WDR90: variants seen among roughly 807,000 people sequenced by gnomAD.
WDR90 encodes WD repeat domain 90.
In WDR90, 238 loss-of-function variants were observed where a neutral mutation model predicts 195.2. The observed-to-expected ratio is 1.22, with a 90% confidence interval of 1.10 to 1.36. The LOEUF (loss-of-function observed/expected upper bound fraction) is 1.36, where lower values mean the gene tolerates loss of function less well. Among genes scored for constraint, WDR90 ranks in the 40% most tolerant of loss-of-function variants. The pLI, the probability that WDR90 is intolerant of heterozygous loss-of-function variation, is 0.00. For missense variants in WDR90, 2,734 were observed against 2,439.5 expected (o/e 1.12, Z -2.54); for synonymous variants, 1,265 against 1,052.4 (o/e 1.20, Z -3.91).
In WDR90 at chr16:667,729, G is replaced by A; in HGVS notation, c.*140G>A. The A allele has an allele frequency of 2.2e-6, 3 of 1,370,156 alleles. No individual in the cohort carries two copies. Among genetic ancestry groups the A allele is most frequent in the South Asian group, 1.2e-5 (1 of 80,780 alleles). The allele number at this position is 1,370,156 out of a possible 1,614,324, so 84.9% of individuals were successfully genotyped here. Reference sequence around the variant, plus strand: ...TCACGTAAATCGCCTGGAGCAAGCTGTTGTAAATTTGGCGCCCTGTGAATA... The same window carrying A: ...TCACGTAAATCGCCTGGAGCAAGCTATTGTAAATTTGGCGCCCTGTGAATA... On this transcript the variant is annotated 3_prime_UTR_variant, in exon 41 of 41. Coordinates refer to ENST00000293879, the MANE Select transcript of WDR90 (RefSeq NM_145294.5).
rs1463668377 is a variant in WDR90, at chr16:659,013, C to T, written c.3011+2C>T. The T allele has an allele frequency of 3.7e-6, 6 of 1,613,078 alleles. No individual in the cohort carries two copies. The highest frequency in any genetic ancestry group is 5.1e-6 in the Non-Finnish European group (6 of 1,179,920). On this transcript the variant is annotated splice_donor_variant, in intron 24 of 40. Coordinates refer to ENST00000293879, the MANE Select transcript of WDR90 (RefSeq NM_145294.5). LOFTEE classifies it low-confidence loss of function (GC_TO_GT_DONOR). The stretch of plus-strand genomic sequence containing the variant: ...GGATGTCCTGGCCCCTACTGAGAGG[C>T]AAGTGCCTACTCTCAGCTGTGTCTG...
chr16:655,064 CGGT>C lies in WDR90; in HGVS notation c.1476_1478del (p.Gly493del), dbSNP rs1567215955. ...CCTGGGGCACCGGCCAGGTGGGCCTCGGTGGCGAGGTGGTCGTTCTGGCAAAGG... is the reference window on the plus strand; with the variant it reads ...CCTGGGGCACCGGCCAGGTGGGCCTCGGCGAGGTGGTCGTTCTGGCAAAGG... On this transcript the variant is annotated inframe_deletion, in exon 14 of 41. Transcript: ENST00000293879. The C allele has an allele frequency of 6.2e-7, 1 of 1,612,736 alleles. No homozygotes were observed. The highest frequency in any genetic ancestry group is 8.5e-7 in the Non-Finnish European group (1 of 1,179,854).
intron 26 of WDR90, 104 bp from the exon 27 acceptor site, chr16:659,950 TCTCA>T (rs1446915551): frequency 1.3e-5 from 11 of 851,760 alleles, no homozygotes; most frequent in Non-Finnish European, 1.8e-5. Flanking sequence ...GCCGTGCAGT[TCTCA>T]CTGTGTGGTA....
intron 17 of WDR90, 150 bp downstream of exon 17, chr16:656,039 TGGGGCGGCTGATGCCAGGGCGGCCCGC>T (rs2037746190): frequency 7.0e-6 from 7 of 1,005,434 alleles, no homozygotes; most frequent in Non-Finnish European, 1.0e-5. Flanking sequence ...TCCAGAGCCC[TGGGGCGGCTGATGCCAGGGCGGCCCGC>T]GGGGCAGCCT....
chr16:651,010 A>T lies in WDR90; in HGVS notation c.575A>T (p.Gln192Leu). Residue 192 changes from glutamine (Q) to leucine (L), a missense_variant, in exon 6 of 41, where the codon CAG (glutamine) becomes CTG (leucine). Coordinates refer to ENST00000293879, the MANE Select transcript of WDR90 (RefSeq NM_145294.5). ...CTCCTTGTAGCCATCTCTGGGGCCC[A>T]GTGGGCAAAGCTGCCCGTGACTCCT... Reference protein sequence around the residue: ...LCFEPAISGAQWAKLPVTPMP... With the variant: ...LCFEPAISGALWAKLPVTPMP... 6.2e-7 allele frequency: 1 copy of T among 1,613,230 alleles called. No homozygotes were observed. The highest frequency in any genetic ancestry group is 8.5e-7 in the Non-Finnish European group (1 of 1,179,964).
chr16:650,889 G>C, intron 5 of WDR90, 106 bp from the exon 6 acceptor site: 1 of 1,492,990 alleles, frequency 6.7e-7, no homozygotes, highest in Non-Finnish European at 9.2e-7. Context: ...GCAGCCCTGG[G>C]GTGGGGCGGT....
rs946195704 is a variant in WDR90 at position 660,608 on chromosome 16, G to A, written c.3289-4G>A. 2.6e-6 allele frequency: 4 copies of A among 1,561,374 alleles called. No individual in the cohort carries two copies. Among genetic ancestry groups the A allele is most frequent in the Non-Finnish European group, 2.6e-6 (3 of 1,153,424 alleles). On this transcript the variant is annotated splice_region_variant and splice_polypyrimidine_tract_variant and intron_variant, in intron 27 of 40. Transcript: ENST00000293879. Reference sequence around the variant, plus strand: ...CAGCAGCATCCGGGTCTCCTTCCTCGCAGGGCACTTGCCCGCCTCCCGCCA... The same window carrying A: ...CAGCAGCATCCGGGTCTCCTTCCTCACAGGGCACTTGCCCGCCTCCCGCCA...
At chr16:658,833 C>T (rs2037820409) in intron 23 of WDR90, 63 bp from the exon 24 acceptor site, 2 of 1,593,232 alleles carry the variant, frequency 1.3e-6, no homozygotes, top group African/African-American at 2.7e-5. Flanking sequence ...TCCCTGGGGA[C>T]TGGGCACACG....
intron 1 of WDR90, 140 bp from the exon 2 acceptor site, chr16:649,623 C>T: frequency 8.6e-7 from 1 of 1,159,108 alleles, no homozygotes. Context: ...CTCGTCCCGC[C>T]AGCCTAGCTG....
rs1212163742 is a variant in WDR90, at chr16:667,458, G to C, written c.5116G>C (p.Ala1706Pro). Residue 1706 changes from alanine (A) to proline (P), a missense_variant, in exon 41 of 41, where the codon GCC becomes CCC. Coordinates refer to ENST00000293879, the MANE Select transcript of WDR90 (RefSeq NM_145294.5). ...GTGCATGCTGAGGCTGGTAGACTGTGCCATGGGGACTGCCCAAGACTTTGC... is the reference window on the plus strand; with the variant it reads ...GTGCATGCTGAGGCTGGTAGACTGTCCCATGGGGACTGCCCAAGACTTTGC... ...AECMLRLVDC[A>P]MGTAQDFAGH... 1 of 1,606,698 alleles carries C rather than the reference G, an allele frequency of 6.2e-7. No individual in the cohort carries two copies. The highest frequency in any genetic ancestry group is 2.2e-5 in the East Asian group (1 of 44,690).
chr16:661,026 C>T, intron 28 of WDR90, 25 bp from the exon 29 acceptor site: 7 of 1,072,062 alleles, frequency 6.5e-6, no homozygotes, highest in Non-Finnish European at 6.8e-6. Context: ...GGCCCGGCCT[C>T]AGGCCCCGCC....
rs752676505 is a variant in WDR90, at chr16:652,500, G to A, written c.1087G>A (p.Gly363Ser). Residue 363 changes from glycine (G) to serine (S), a missense_variant, in exon 10 of 41, where the codon GGC becomes AGC. By Grantham distance (56) the Gly-to-Ser change is moderately conservative. Coordinates refer to ENST00000293879, the MANE Select transcript of WDR90 (RefSeq NM_145294.5). ...CCCAGACCCAGTCCTGAGGCTCAAGGGCGTCATCGGCTTTGGGGGCCACGG... is the reference window on the plus strand; with the variant it reads ...CCCAGACCCAGTCCTGAGGCTCAAGAGCGTCATCGGCTTTGGGGGCCACGG... ...FLPDPVLRLK[G>S]VIGFGGHGTR... 6.9e-5 allele frequency: 111 copies of A among 1,610,640 alleles called. No individual in the cohort carries two copies. Among genetic ancestry groups the A allele is most frequent in the Non-Finnish European group, 9.0e-5 (106 of 1,178,384 alleles).
chr16:665,439 C>A (rs1476480251), intron 34 of WDR90: 1 of 619,034 alleles, frequency 1.6e-6, no homozygotes, highest in East Asian at 2.8e-5. Context: ...GCTTTCTCCT[C>A]GGTATCCCGC....
rs1171193079 is a variant in WDR90, at chr16:665,549, A to G, written c.4312-130A>G. On this transcript the variant is annotated intron_variant, in intron 34 of 40. Coordinates refer to ENST00000293879, the MANE Select transcript of WDR90 (RefSeq NM_145294.5). ...GGCATTGCTCCTTTCCGCCATGTGG[A>G]GTTGGCCGGGGCCAGAGGCACATGC... 4.1e-6 allele frequency: 6 copies of G among 1,448,426 alleles called. No homozygotes were observed. The Admixed American group carries it at 1.0e-4, about 24-fold the overall frequency. The allele number at this position is 1,448,426 out of a possible 1,614,324, so 89.7% of individuals were successfully genotyped here. A position where few individuals can be genotyped will look rare whatever the true frequency, so the allele number is the denominator to read the frequency against.
At chr16:650,760 C>A in intron 5 of WDR90, 51 bp downstream of exon 5, 1 of 1,584,272 alleles carries the variant, frequency 6.3e-7, no homozygotes. Context: ...ATGCTCTCAG[C>A]CCTGGAGAGG....
intron 36 of WDR90, 27 bp downstream of exon 36, chr16:666,151 G>A: frequency 6.2e-7 from 1 of 1,606,836 alleles, no homozygotes; most frequent in South Asian, 1.1e-5. Flanking sequence ...GTTGGGGATG[G>A]TGCCGTCCTG....
Position 649,432 on chromosome 16 carries a change from G to C in WDR90, c.10+6G>C. 1 of 1,300,646 alleles carries C rather than the reference G, an allele frequency of 7.7e-7. No individual in the cohort carries two copies. The allele number at this position is 1,300,646 out of a possible 1,614,324, so 80.6% of individuals were successfully genotyped here. A position where few individuals can be genotyped will look rare whatever the true frequency, so the allele number is the denominator to read the frequency against. On this transcript the variant is annotated splice_donor_region_variant and intron_variant, in intron 1 of 40. Coordinates refer to ENST00000293879, the MANE Select transcript of WDR90 (RefSeq NM_145294.5). Reference sequence around the variant, plus strand: ...CGGCGGCGCCATGGCCCGAGGTAGCGCGCGGCTGGCGGGGGTCCCGAGGAT... The same window carrying C: ...CGGCGGCGCCATGGCCCGAGGTAGCCCGCGGCTGGCGGGGGTCCCGAGGAT...
In WDR90 at chr16:655,919, C is replaced by G. The variant is rs547989589; in HGVS notation, c.1966+30C>G. ...TGCTGTGGGCACGCTCTCCCAACTC[C>G]GGGAGAGCCTCGCCTGGATGCTGGG... On this transcript the variant is annotated intron_variant, in intron 17 of 40. Coordinates refer to ENST00000293879, the MANE Select transcript of WDR90 (RefSeq NM_145294.5). The G allele has an allele frequency of 8.7e-3, 13,642 of 1,566,374 alleles. 122 individuals carry two copies. Among genetic ancestry groups the G allele is most frequent in the East Asian group, 0.049 (2,111 of 43,122 alleles).
chr16:660,457 CA>C, intron 27 of WDR90, 154 bp from the exon 28 acceptor site: 1 of 767,922 alleles, frequency 1.3e-6, no homozygotes, highest in Non-Finnish European at 2.1e-6. Context: ...ACAGTGCCCA[CA>C]GCTCCCACAC....
Sources: allele counts gnomAD v4.1 joint callset, GRCh38; gene constraint gnomAD v4.1.1; transcripts MANE v1.5; gene names NCBI Gene and HGNC (gene_info 2026-07-23, HGNC 2026-07-21).